Variants in DOCK3 observed in about 807,000 individuals in gnomAD.
The protein encoded by DOCK3 is dedicator of cytokinesis protein 3.
In DOCK3, 60 loss-of-function variants were observed where a neutral mutation model predicts 265.6. The ratio of observed to expected loss-of-function variants is 0.23; its 90% CI spans 0.18 to 0.28. The LOEUF (loss-of-function observed/expected upper bound fraction) is 0.28, where lower values mean the gene tolerates loss of function less well. Among genes scored for constraint, DOCK3 ranks in the 10% least tolerant of loss-of-function variants. The pLI is 1.00. For synonymous variants in DOCK3, 881 were observed against 938.0 expected (o/e 0.94, Z 1.11); for missense variants, 1,981 against 2,594.3 (o/e 0.76, Z 5.14).
intron 3 of DOCK3, among the ~76,000 whole-genome samples, chr3:50,886,941 C>A (rs200646492): frequency 2.0e-5 from 3 of 151,914 alleles, no homozygotes; most frequent in African/African-American, 2.4e-5. Flanking sequence ...CCTAACATCA[C>A]AATTAAAAGA....
chr3:50,879,224 C>T (rs966142297), intron 3 of DOCK3, among the ~76,000 whole-genome samples: 6 of 152,200 alleles, frequency 3.9e-5, no homozygotes, highest in South Asian at 2.1e-4. Flanking sequence ...CATCAATTAA[C>T]GAGCAAAATA....
At chr3:51,146,961 A>G (rs1429661678) in intron 10 of DOCK3, among the ~76,000 whole-genome samples, 2 of 152,146 alleles carry the variant, frequency 1.3e-5, no homozygotes, top group Non-Finnish European at 2.9e-5. Context: ...AAACAATTCA[A>G]AAATTAGCTG....
intron 1 of DOCK3, among the ~76,000 whole-genome samples, chr3:50,720,582 A>G (rs1048242072): frequency 6.6e-6 from 1 of 152,194 alleles, no homozygotes. Context: ...GCTATTGTGA[A>G]TAGTGCTGCG....
intron 12 of DOCK3, among the ~76,000 whole-genome samples, chr3:51,185,663 C>T (rs866059817): frequency 1.4e-4 from 21 of 152,250 alleles, no homozygotes; most frequent in Middle Eastern, 3.4e-3. Context: ...CCATAATTCC[C>T]ATGTGTTGTG....
chr3:51,253,411 A>G (rs1011992054), intron 22 of DOCK3, among the ~76,000 whole-genome samples: 11 of 151,960 alleles, frequency 7.2e-5, no homozygotes, highest in Non-Finnish European at 1.5e-4. Flanking sequence ...CTCTTTTTCT[A>G]TTGATTGGAA....
chr3:50,907,619 C>T (rs2049597043), intron 4 of DOCK3, among the ~76,000 whole-genome samples: 1 of 152,050 alleles, frequency 6.6e-6, no homozygotes, highest in Admixed American at 6.6e-5. Context: ...GATCTTCCTC[C>T]ATCCCTTTAT....
In DOCK3 at chr3:50,966,092, C is replaced by T. The variant is rs554545719; in HGVS notation, c.315+32015C>T. On this transcript the variant is annotated intron_variant, in intron 5 of 52. Coordinates refer to ENST00000266037, the MANE Select transcript of DOCK3 (RefSeq NM_004947.5). ...TACAGATTTGTCTTTATGTGTTTGG[C>T]TTATTTCACTTTACATAATATCCTC... Among the ~76,000 whole-genome samples the T allele has an allele frequency of 4.0e-5, 6 of 151,364 alleles. No individual in the cohort carries two copies. In the East Asian group the frequency reaches 1.2e-3, roughly 29 times the overall value.
At chr3:51,352,904 A>G (rs1219235104) in intron 40 of DOCK3, among the ~76,000 whole-genome samples, 1 of 152,206 alleles carries the variant, frequency 6.6e-6, no homozygotes, top group African/African-American at 2.4e-5. Context: ...GGCCTTCCCC[A>G]GAAGGCTAGG....
intron 4 of DOCK3, among the ~76,000 whole-genome samples, chr3:50,926,674 T>A (rs542165513): frequency 6.6e-6 from 1 of 152,310 alleles, no homozygotes; most frequent in Non-Finnish European, 1.5e-5. Flanking sequence ...GAGAGTCAGC[T>A]GCTAAGGAAC....
At chr3:51,101,836 A>G (rs748638188) in intron 9 of DOCK3, among the ~76,000 whole-genome samples, 3 of 152,180 alleles carry the variant, frequency 2.0e-5, no homozygotes, top group Non-Finnish European at 4.4e-5. Flanking sequence ...AGCCAGGCTC[A>G]CAGAAAGCAT....
In DOCK3 at chr3:50,869,342, A is replaced by ATTTTTTTTTTTTTTTTTTTTTTTTT. The variant is rs755531254; in HGVS notation, c.163-20660_163-20636dup. Among the ~76,000 whole-genome samples the ATTTTTTTTTTTTTTTTTTTTTTTTT allele has an allele frequency of 3.3e-3, 228 of 70,106 alleles. 111 individuals carry two copies. The highest frequency in any genetic ancestry group is 0.019 in the Middle Eastern group (2 of 106). The allele number at this position is 70,106 out of a possible 152,430, so 46.0% of individuals were successfully genotyped here. ...TCAATTTTATTTATTTCTGCTGGGA[A>ATTTTTTTTTTTTTTTTTTTTTTTTT]TTTTTTTTTTTTTTTTTTTTTTTTT... On this transcript the variant is annotated intron_variant, in intron 3 of 52. Transcript: ENST00000266037.
intron 38 of DOCK3, among the ~76,000 whole-genome samples, chr3:51,346,745 A>C (rs1226244038): frequency 1.3e-5 from 2 of 152,240 alleles, no homozygotes; most frequent in African/African-American, 4.8e-5. Flanking sequence ...ACTAGTTTAC[A>C]GTCCCACCAA....
intron 10 of DOCK3, among the ~76,000 whole-genome samples, chr3:51,152,251 A>G (rs1232684698): frequency 6.6e-6 from 1 of 151,872 alleles, no homozygotes; most frequent in East Asian, 1.9e-4. Context: ...TTTATCTTCA[A>G]TCACTGATAC....
At chr3:50,748,339 G>C (rs1038101761) in intron 1 of DOCK3, among the ~76,000 whole-genome samples, 1 of 152,022 alleles carries the variant, frequency 6.6e-6, no homozygotes, top group African/African-American at 2.4e-5. Flanking sequence ...GAAAGGATTC[G>C]GTCTTGTAAA....
chr3:51,197,626 A>T (rs1442699215), intron 12 of DOCK3, among the ~76,000 whole-genome samples: 1 of 152,146 alleles, frequency 6.6e-6, no homozygotes, highest in Non-Finnish European at 1.5e-5. Context: ...CAGAGCAGAG[A>T]GTGAAGCTGG....
intron 14 of DOCK3, among the ~76,000 whole-genome samples, chr3:51,218,152 G>A (rs1004699967): frequency 4.0e-5 from 6 of 151,322 alleles, no homozygotes; most frequent in South Asian, 2.1e-4. Context: ...CCTCTTGCTC[G>A]GTCAGGCACA....
At chr3:51,104,102 G>A (rs2083186073) in intron 9 of DOCK3, among the ~76,000 whole-genome samples, 1 of 152,184 alleles carries the variant, frequency 6.6e-6, no homozygotes, top group African/African-American at 2.4e-5. Context: ...TGACAATTGA[G>A]TAAAGACCTA....
intron 10 of DOCK3, among the ~76,000 whole-genome samples, chr3:51,147,520 G>A (rs2107308072): frequency 6.6e-6 from 1 of 152,126 alleles, no homozygotes; most frequent in East Asian, 1.9e-4. Context: ...GCCCCCATGT[G>A]TGATGTTCCC....
chr3:51,020,391 T>A (rs2079533209), intron 5 of DOCK3, among the ~76,000 whole-genome samples: 1 of 151,962 alleles, frequency 6.6e-6, no homozygotes, highest in Non-Finnish European at 1.5e-5. Flanking sequence ...ATGGATAGAT[T>A]GCAAACATTT....
Sources: gnomAD v4.1 joint callset for allele counts (sites outside exome capture counted in the v4.1 genomes callset) on GRCh38, gnomAD v4.1.1 for gene constraint, MANE v1.5 for transcripts, NCBI Gene and HGNC (gene_info 2026-07-23, HGNC 2026-07-21) for gene names.